Variants in SORCS2 observed in about 807,000 individuals in gnomAD.
SORCS2 encodes the protein VPS10 domain-containing receptor SorCS2.
Under a neutral mutation model 141.6 loss-of-function variants are expected in SORCS2, and 100 were observed. The ratio of observed to expected loss-of-function variants is 0.71; its 90% CI spans 0.60 to 0.83. The LOEUF (loss-of-function observed/expected upper bound fraction) is 0.83, where lower values mean the gene tolerates loss of function less well. Among genes scored for constraint, SORCS2 ranks in the 40% least tolerant of loss-of-function variants. The pLI is 0.00. For missense variants in SORCS2, 1,646 were observed against 1,560.2 expected (o/e 1.05, Z -0.93); for synonymous variants, 789 against 676.9 (o/e 1.17, Z -2.57).
chr4:7,391,845 G>A (rs1319609388), intron 1 of SORCS2, among the ~76,000 whole-genome samples: 4 of 152,112 alleles, frequency 2.6e-5, no homozygotes, highest in African/African-American at 7.2e-5. Context: ...ACCCAGATCC[G>A]CCCTCACTTG....
intron 3 of SORCS2, among the ~76,000 whole-genome samples, chr4:7,560,185 C>G (rs13119421): frequency 0.13 from 19,052 of 152,226 alleles, 1,267 homozygotes; most frequent in Non-Finnish European, 0.16. Context: ...TTTGTTCTGT[C>G]TCACTCATTC....
chr4:7,680,266 C>G (rs1024457777), intron 9 of SORCS2, among the ~76,000 whole-genome samples: 1 of 152,248 alleles, frequency 6.6e-6, no homozygotes, highest in East Asian at 1.9e-4. Flanking sequence ...CACTCATACT[C>G]ACACACAGAG....
chr4:7,310,878 G>A (rs1261682430), intron 1 of SORCS2, among the ~76,000 whole-genome samples: 5 of 152,238 alleles, frequency 3.3e-5, no homozygotes, highest in Non-Finnish European at 7.3e-5. Context: ...CTCACCATCA[G>A]CTAGAACAAC....
chr4:7,415,990 G>T (rs1188040017), intron 2 of SORCS2, among the ~76,000 whole-genome samples: 2 of 152,204 alleles, frequency 1.3e-5, no homozygotes, highest in Non-Finnish European at 2.9e-5. Context: ...AACATGATGT[G>T]CAGAAACACA....
At chr4:7,588,848 T>A (rs1263879241) in intron 3 of SORCS2, among the ~76,000 whole-genome samples, 1 of 152,196 alleles carries the variant, frequency 6.6e-6, no homozygotes, top group African/African-American at 2.4e-5. Context: ...ATATTTTGCT[T>A]TCTTGCTTTT....
chr4:7,715,190 G>A lies in SORCS2; in HGVS notation c.2131G>A (p.Gly711Arg), dbSNP rs1023212251. 2.5e-6 allele frequency: 4 copies of A among 1,613,864 alleles called. No homozygotes were observed. The highest frequency in any genetic ancestry group is 3.4e-6 in the Non-Finnish European group (4 of 1,179,808). Residue 711 changes from glycine (G) to arginine (R), a missense_variant, in exon 17 of 27, where the codon GGA becomes AGA. Gly to Arg is a moderately radical substitution (Grantham distance 125). Coordinates refer to ENST00000507866, the MANE Select transcript of SORCS2 (RefSeq NM_020777.3). ...CRDSDFLCDYGFERSSSSESS... is the reference protein window; with the variant it reads ...CRDSDFLCDYRFERSSSSESS... ...ACTCTTCCCTCCTCCCAGCGACTACGGATTTGAGCGCTCCTCCTCCTCAGA... is the reference window on the plus strand; with the variant it reads ...ACTCTTCCCTCCTCCCAGCGACTACAGATTTGAGCGCTCCTCCTCCTCAGA...
chr4:7,363,058 C>T (rs1721683185), intron 1 of SORCS2, among the ~76,000 whole-genome samples: 1 of 150,054 alleles, frequency 6.7e-6, no homozygotes, highest in Admixed American at 6.6e-5. Flanking sequence ...CCACCACCAC[C>T]ATCACTACCG....
At chr4:7,253,872 A>T (rs2108809547) in intron 1 of SORCS2, among the ~76,000 whole-genome samples, 1 of 152,130 alleles carries the variant, frequency 6.6e-6, no homozygotes, top group East Asian at 1.9e-4. Context: ...GTTCCTTGTG[A>T]CCCGGGTCCC....
intron 3 of SORCS2, among the ~76,000 whole-genome samples, chr4:7,551,265 C>T (rs183534736): frequency 8.4e-4 from 118 of 140,394 alleles, no homozygotes; most frequent in African/African-American, 2.9e-3. Flanking sequence ...CAATGTAATC[C>T]TCAGGCCAGA....
At chr4:7,391,687 A>G (rs370450250) in intron 1 of SORCS2, among the ~76,000 whole-genome samples, 3 of 152,202 alleles carry the variant, frequency 2.0e-5, no homozygotes, top group Admixed American at 6.5e-5. Flanking sequence ...GTGGATGTGG[A>G]TCTACCAGGA....
chr4:7,476,794 C>A (rs1577628144), intron 2 of SORCS2, among the ~76,000 whole-genome samples: 1 of 152,180 alleles, frequency 6.6e-6, no homozygotes, highest in East Asian at 1.9e-4. Flanking sequence ...TCCATTTTCT[C>A]CACGACTCTG....
chr4:7,596,145 T>C (rs1717263845), intron 3 of SORCS2, among the ~76,000 whole-genome samples: 1 of 152,318 alleles, frequency 6.6e-6, no homozygotes, highest in South Asian at 2.1e-4. Flanking sequence ...CATAAGACAA[T>C]GCCACACTGT....
chr4:7,398,674 T>C (rs1724375231), intron 2 of SORCS2, among the ~76,000 whole-genome samples: 1 of 152,028 alleles, frequency 6.6e-6, no homozygotes, highest in South Asian at 2.1e-4. Flanking sequence ...CAGTTTTATA[T>C]TCTTTTTATC....
chr4:7,517,092 T>C (rs890426294), intron 2 of SORCS2, among the ~76,000 whole-genome samples: 2 of 152,234 alleles, frequency 1.3e-5, no homozygotes, highest in African/African-American at 2.4e-5. Flanking sequence ...GTCATCGCCA[T>C]GATTACTACT....
chr4:7,604,036 G>T (rs1717903866), intron 3 of SORCS2, among the ~76,000 whole-genome samples: 1 of 152,132 alleles, frequency 6.6e-6, no homozygotes, highest in Non-Finnish European at 1.5e-5. Context: ...TGTGTGACTT[G>T]TACGGTGTGT....
Position 7,664,074 on chromosome 4 carries a change from C to T in SORCS2, c.953-279C>T, listed in dbSNP as rs907451065. On this transcript the variant is annotated intron_variant, in intron 6 of 26. Coordinates refer to ENST00000507866, the MANE Select transcript of SORCS2 (RefSeq NM_020777.3). This position sits in a 1 kb window ranked among gnomAD's most constrained non-coding sequence, Gnocchi z 4.7. The stretch of plus-strand genomic sequence containing the variant: ...TGTCTGGGTGTGGCGAGGTACCCAC[C>T]GTCGCCTGTGCTGACCCCTCCTGCA... Among the ~76,000 whole-genome samples the T allele has an allele frequency of 2.0e-5, 3 of 152,138 alleles. No individual in the cohort carries two copies. Among genetic ancestry groups the T allele is most frequent in the Non-Finnish European group, 4.4e-5 (3 of 68,036 alleles).
intron 1 of SORCS2, among the ~76,000 whole-genome samples, chr4:7,356,033 G>A (rs1262379585): frequency 2.0e-5 from 3 of 152,292 alleles, no homozygotes; most frequent in Admixed American, 6.5e-5. Context: ...AGATGTCCAC[G>A]CTTGTTGCTG....
In SORCS2 at chr4:7,379,393, A is replaced by G. The variant is rs557799373; in HGVS notation, c.481-16895A>G. Among the ~76,000 whole-genome samples, 9 of 152,272 alleles carry G rather than the reference A, an allele frequency of 5.9e-5. No individual in the cohort carries two copies. In the East Asian group the frequency reaches 1.7e-3, roughly 29 times the overall value. On this transcript the variant is annotated intron_variant, in intron 1 of 26. Transcript: ENST00000507866. ...AGGCAGAGCTGGGGTGGATGGGTGG[A>G]AGCACGAGAGGCGTATTCAGATAAG...
chr4:7,623,771 G>A (rs1320403019), intron 3 of SORCS2, among the ~76,000 whole-genome samples: 1 of 152,118 alleles, frequency 6.6e-6, no homozygotes, highest in African/African-American at 2.4e-5. Context: ...GCGCTTTGTC[G>A]GTCTTTGCCT....
Sources: gnomAD v4.1 joint callset for allele counts (sites outside exome capture counted in the v4.1 genomes callset) on GRCh38, gnomAD v4.1.1 for gene constraint, Gnocchi (gnomAD v3.1) non-coding constraint, MANE v1.5 for transcripts, NCBI Gene and HGNC (gene_info 2026-07-23, HGNC 2026-07-21) for gene names.